NXPE2: variants seen among roughly 807,000 people sequenced by gnomAD.
NXPE2 encodes the protein NXPE family member 2.
A neutral mutation model predicts 34.4 loss-of-function variants in NXPE2; 34 were observed. That is an observed-to-expected ratio of 0.99 (90% confidence interval 0.75 to 1.31). NXPE2 has a LOEUF of 1.31. Among genes scored for constraint, NXPE2 ranks in the 40% most tolerant of loss-of-function variants. The probability of loss-of-function intolerance (pLI) is 0.00; values close to 1 mark genes in which losing one functional copy is unlikely to be tolerated. For missense variants in NXPE2, 649 were observed against 672.5 expected, an observed-to-expected ratio of 0.97 and a Z score of 0.39; for synonymous variants, 235 against 231.3, an observed-to-expected ratio of 1.02 and a Z score of -0.15.
the NXPE2 span, among the ~76,000 whole-genome samples, chr11:114,712,304 A>C: frequency 1.3e-5 from 2 of 152,230 alleles, no homozygotes; most frequent in Non-Finnish European, 2.9e-5. Flanking sequence ...GACTACATCA[A>C]ACTTAAAAAC....
At chr11:114,568,314 C>T in the NXPE2 span, among the ~76,000 whole-genome samples, 248 of 152,150 alleles carry the variant, frequency 1.6e-3, no homozygotes, top group African/African-American at 5.5e-3. Flanking sequence ...ACCTTTTATC[C>T]TTCCTTACCT....
At chr11:114,519,563 C>T in the NXPE2 span, among the ~76,000 whole-genome samples, 38 of 152,084 alleles carry the variant, frequency 2.5e-4, no homozygotes, top group African/African-American at 8.0e-4. Context: ...TATTCTTTCC[C>T]GGGGTGTCAG....
chr11:114,705,668 G>A (rs953259728), intron 4 of NXPE2, 113 bp from the exon 5 acceptor site: 1 of 593,746 alleles, frequency 1.7e-6, no homozygotes, highest in Admixed American at 3.8e-5. Flanking sequence ...GCAAAATAGA[G>A]CTGAAGAGAA....
chr11:114,579,677 T>G, the NXPE2 span, among the ~76,000 whole-genome samples: 1 of 152,244 alleles, frequency 6.6e-6, no homozygotes, highest in African/African-American at 2.4e-5. Flanking sequence ...CTTTTCATCT[T>G]CAGTTGACAG....
At chr11:114,675,811 A>G (rs1950852467), upstream of NXPE2, among the ~76,000 whole-genome samples, 2 of 151,968 alleles carry the variant, frequency 1.3e-5, no homozygotes, top group South Asian at 4.1e-4. Flanking sequence ...GACCAATAAT[A>G]TCAAAGCTGG....
intron 2 of NXPE2, among the ~76,000 whole-genome samples, chr11:114,691,120 G>T (rs1024458398): frequency 1.3e-5 from 2 of 152,048 alleles, no homozygotes; most frequent in African/African-American, 4.8e-5. Flanking sequence ...TGAGTGAATG[G>T]TATCCTTTGG....
the NXPE2 span, among the ~76,000 whole-genome samples, chr11:114,758,036 T>C: frequency 2.0e-5 from 3 of 152,210 alleles, no homozygotes; most frequent in Non-Finnish European, 4.4e-5. Context: ...TTAACTGGAA[T>C]TGACTATTTT....
chr11:114,611,941 T>C, the NXPE2 span, among the ~76,000 whole-genome samples: 1 of 151,986 alleles, frequency 6.6e-6, no homozygotes, highest in Non-Finnish European at 1.5e-5. Context: ...GGGTAACCAC[T>C]GTTACCTGGT....
the NXPE2 span, among the ~76,000 whole-genome samples, chr11:114,664,408 G>A: frequency 0.032 from 4,867 of 152,186 alleles, 110 homozygotes; most frequent in Non-Finnish European, 0.044. Context: ...TATCTTGATT[G>A]TGGTGGTAGT....
chr11:114,596,873 A>G, the NXPE2 span, among the ~76,000 whole-genome samples: 1 of 152,338 alleles, frequency 6.6e-6, no homozygotes, highest in African/African-American at 2.4e-5. Context: ...AGGTAGGCAC[A>G]ATAGATATGC....
the NXPE2 span, among the ~76,000 whole-genome samples, chr11:114,581,545 T>G: frequency 6.6e-6 from 1 of 152,228 alleles, no homozygotes; most frequent in East Asian, 1.9e-4. Context: ...AATAGGCTTA[T>G]GATATTCCAG....
the NXPE2 span, among the ~76,000 whole-genome samples, chr11:114,512,468 A>G: frequency 1.3e-5 from 2 of 152,080 alleles, no homozygotes; most frequent in Non-Finnish European, 2.9e-5. Context: ...AAGTTTAATA[A>G]AGGGTGGAGT....
At chr11:114,810,226 A>C in the NXPE2 span, among the ~76,000 whole-genome samples, 1 of 150,408 alleles carries the variant, frequency 6.6e-6, no homozygotes, top group African/African-American at 2.5e-5. Flanking sequence ...TAGACCTAAA[A>C]CCATAAAAAC....
At chr11:114,710,049 A>G (rs1037187223), downstream of NXPE2, among the ~76,000 whole-genome samples, 3 of 152,228 alleles carry the variant, frequency 2.0e-5, no homozygotes, top group East Asian at 1.9e-4. Flanking sequence ...CCTGGAGACA[A>G]GTGAAAACAA....
At chr11:114,680,385 C>G (rs1950928601) in intron 2 of NXPE2, among the ~76,000 whole-genome samples, 2 of 152,134 alleles carry the variant, frequency 1.3e-5, no homozygotes, top group African/African-American at 4.8e-5. Flanking sequence ...TAACCTTTGT[C>G]TAACACAGAC....
chr11:114,654,889 T>A, the NXPE2 span, among the ~76,000 whole-genome samples: 1 of 152,224 alleles, frequency 6.6e-6, no homozygotes, highest in East Asian at 1.9e-4. Flanking sequence ...CCTTGAGGAA[T>A]CGCTATACTG....
chr11:114,730,906 C>G, the NXPE2 span, among the ~76,000 whole-genome samples: 1 of 152,154 alleles, frequency 6.6e-6, no homozygotes, highest in African/African-American at 2.4e-5. Flanking sequence ...CCTGGTTGCT[C>G]TGGCTAGGAC....
At chr11:114,590,168 G>T in the NXPE2 span, among the ~76,000 whole-genome samples, 1 of 152,138 alleles carries the variant, frequency 6.6e-6, no homozygotes, top group Non-Finnish European at 1.5e-5. Context: ...CTCAGGTCAG[G>T]GTCTTGCAAT....
At chr11:114,687,955 GCTAAAGACCTGTTTATCAGGT>G (rs1321199510) in intron 2 of NXPE2, among the ~76,000 whole-genome samples, 3 of 151,984 alleles carry the variant, frequency 2.0e-5, no homozygotes, top group African/African-American at 7.2e-5. Context: ...CTGAGACTTT[GCTAAAGACCTGTTTATCAGGT>G]CTAGGAGTCT....
Sources: allele counts gnomAD v4.1 joint callset (sites outside exome capture counted in the v4.1 genomes callset), GRCh38; gene constraint gnomAD v4.1.1; transcripts MANE v1.5; gene names NCBI Gene and HGNC (gene_info 2026-07-23, HGNC 2026-07-21).